CDH4: variants seen among roughly 807,000 people sequenced by gnomAD.
The protein encoded by CDH4 is cadherin-4.
Under a neutral mutation model 86.0 loss-of-function variants are expected in CDH4, and 33 were observed. That is an observed-to-expected ratio of 0.38 (90% CI 0.29 to 0.51). The LOEUF (loss-of-function observed/expected upper bound fraction) is 0.51. CDH4 is among the 20% of genes least tolerant of loss of function. The pLI is 0.86. For missense variants in CDH4, 1,114 were observed against 1,307.4 expected (o/e 0.85, Z 2.28); for synonymous variants, 555 against 549.4 (o/e 1.01, Z -0.14).
At chr20:61,560,564 G>A (rs772509578) in intron 2 of CDH4, among the ~76,000 whole-genome samples, 2 of 152,210 alleles carry the variant, frequency 1.3e-5, no homozygotes, top group African/African-American at 4.8e-5. Context: ...GTTCCCTAGC[G>A]GGTTACTTAC....
chr20:61,640,311 G>A (rs535083042), intron 2 of CDH4, among the ~76,000 whole-genome samples: 4 of 152,378 alleles, frequency 2.6e-5, no homozygotes, highest in African/African-American at 9.6e-5. Context: ...CTGGCTCACG[G>A]CCGATGCAGT....
intron 2 of CDH4, among the ~76,000 whole-genome samples, chr20:61,279,015 A>G (rs1015433875): frequency 6.6e-6 from 1 of 152,178 alleles, no homozygotes; most frequent in Non-Finnish European, 1.5e-5. Context: ...GCGTGCTGAG[A>G]GTGGAGGGGC....
rs558996976 is a variant in CDH4, at chr20:61,746,721, G to A, written c.396+2932G>A. Among the ~76,000 whole-genome samples the A allele has an allele frequency of 2.0e-5, 3 of 152,378 alleles. No individual in the cohort carries two copies. The East Asian group carries it at 5.8e-4, about 29-fold the overall frequency. On this transcript the variant is annotated intron_variant, in intron 3 of 15. Transcript: ENST00000614565. Reference sequence around the variant, plus strand: ...ATGCTACCCATGTCCCAGCCAAAGGGTGCTGGTATTTCATGAGGTTATGGA... The same window carrying A: ...ATGCTACCCATGTCCCAGCCAAAGGATGCTGGTATTTCATGAGGTTATGGA...
In CDH4 at chr20:61,937,218, TA is replaced by T. The variant is rs11476350; in HGVS notation, c.*294del. On this transcript the variant is annotated 3_prime_UTR_variant, in exon 16 of 16. Coordinates refer to ENST00000614565, the MANE Select transcript of CDH4 (RefSeq NM_001794.5). ...TTTCCTAGAACAGAAGCACTGTTTTTAAAAAAAAAAAAAAAAAAAGAAGAAA... is the reference window on the plus strand; with the variant it reads ...TTTCCTAGAACAGAAGCACTGTTTTTAAAAAAAAAAAAAAAAAAGAAGAAA... 42,608 of 102,832 alleles carry T rather than the reference TA, an allele frequency of 0.41. 7,798 individuals are homozygous for T. The highest frequency in any genetic ancestry group is 0.51 in the African/African-American group (12,113 of 23,900). The allele number at this position is 102,832 out of a possible 1,614,324, so 6.4% of individuals were successfully genotyped here.
At chr20:61,686,899 CCT>C (rs1483771970) in intron 2 of CDH4, among the ~76,000 whole-genome samples, 20 of 152,290 alleles carry the variant, frequency 1.3e-4, no homozygotes, top group African/African-American at 4.8e-4. Context: ...GCTATCAGAT[CCT>C]CTCGAGTCAG....
At chr20:61,414,069 C>T (rs2085134126) in intron 2 of CDH4, among the ~76,000 whole-genome samples, 1 of 152,360 alleles carries the variant, frequency 6.6e-6, no homozygotes, top group African/African-American at 2.4e-5. Context: ...CTTAAGAGGA[C>T]ATCAGTCCCA....
At chr20:61,453,132 A>T (rs1054535370) in intron 2 of CDH4, among the ~76,000 whole-genome samples, 3 of 152,216 alleles carry the variant, frequency 2.0e-5, no homozygotes, top group Non-Finnish European at 4.4e-5. Flanking sequence ...AGGAAGGGGA[A>T]AAAAGCCAAT....
chr20:61,803,409 C>G (rs1220387675), intron 4 of CDH4, among the ~76,000 whole-genome samples: 1 of 152,224 alleles, frequency 6.6e-6, no homozygotes, highest in African/African-American at 2.4e-5. Context: ...AGTCTGGCTC[C>G]CAAATGAAAT....
intron 2 of CDH4, among the ~76,000 whole-genome samples, chr20:61,612,758 T>C (rs565076325): frequency 6.6e-6 from 1 of 152,252 alleles, no homozygotes; most frequent in South Asian, 2.1e-4. Context: ...GCCTCCTAGT[T>C]TCTGCTAATG....
At chr20:61,534,441 CT>C (rs2085978836) in intron 2 of CDH4, among the ~76,000 whole-genome samples, 1 of 152,072 alleles carries the variant, frequency 6.6e-6, no homozygotes, top group Admixed American at 6.5e-5. Context: ...ATTTAATACA[CT>C]TTTTTAAAGG....
intron 2 of CDH4, among the ~76,000 whole-genome samples, chr20:61,729,652 G>C (rs753995530): frequency 6.6e-6 from 1 of 152,224 alleles, no homozygotes; most frequent in Non-Finnish European, 1.5e-5. Context: ...ACGTGGAGAC[G>C]ATGAGTGCAA....
chr20:61,373,476 G>A (rs1033458944), intron 2 of CDH4, among the ~76,000 whole-genome samples: 7 of 152,220 alleles, frequency 4.6e-5, no homozygotes, highest in African/African-American at 1.7e-4. Flanking sequence ...AAGATAATGT[G>A]CTGGATGTTC....
At chr20:61,511,461 A>T (rs1241612831) in intron 2 of CDH4, among the ~76,000 whole-genome samples, 3 of 152,206 alleles carry the variant, frequency 2.0e-5, no homozygotes. Context: ...CCCTAAAGCA[A>T]ACTGCTGAGG....
intron 2 of CDH4, among the ~76,000 whole-genome samples, chr20:61,689,968 G>C (rs983583752): frequency 6.6e-6 from 1 of 151,246 alleles, no homozygotes; most frequent in Non-Finnish European, 1.5e-5. Flanking sequence ...TTGGTGAGGT[G>C]ATGTGGAATC....
chr20:61,691,339 A>ATGTG (rs767569867), intron 2 of CDH4, among the ~76,000 whole-genome samples: 1 of 149,524 alleles, frequency 6.7e-6, no homozygotes, highest in African/African-American at 2.5e-5. Context: ...GGATGTGTGT[A>ATGTG]TGTGTGTGTA....
intron 2 of CDH4, among the ~76,000 whole-genome samples, chr20:61,346,490 TC>T (rs1427152123): frequency 6.6e-6 from 1 of 152,012 alleles, no homozygotes; most frequent in Non-Finnish European, 1.5e-5. Flanking sequence ...ACGCCTGTAA[TC>T]CCAGCACTTT....
chr20:61,305,955 C>T (rs763497623), intron 2 of CDH4, among the ~76,000 whole-genome samples: 1 of 152,178 alleles, frequency 6.6e-6, no homozygotes, highest in Non-Finnish European at 1.5e-5. Flanking sequence ...CTTTGTAAGC[C>T]TTCTGCCAAT....
chr20:61,468,849 G>A (rs1269779451), intron 2 of CDH4, among the ~76,000 whole-genome samples: 2 of 152,076 alleles, frequency 1.3e-5, no homozygotes, highest in South Asian at 2.1e-4. Flanking sequence ...TTAACATAAT[G>A]ATCTCCAGTT....
At chr20:61,899,701 A>G (rs530419478) in intron 8 of CDH4, among the ~76,000 whole-genome samples, 4 of 152,268 alleles carry the variant, frequency 2.6e-5, no homozygotes, top group Admixed American at 6.5e-5. Context: ...TGCTGGGATT[A>G]CAGGTGTGAG....
Sources: allele counts gnomAD v4.1 joint callset (sites outside exome capture counted in the v4.1 genomes callset), GRCh38; gene constraint gnomAD v4.1.1; transcripts MANE v1.5; gene names NCBI Gene and HGNC (gene_info 2026-07-23, HGNC 2026-07-21).